CCDC175: variants seen among roughly 807,000 people sequenced by gnomAD.
The protein encoded by CCDC175 is coiled-coil domain containing 175.
A neutral mutation model predicts 114.6 loss-of-function variants in CCDC175; 100 were observed. The ratio of observed to expected loss-of-function variants is 0.87; its 90% confidence interval spans 0.74 to 1.03. CCDC175 has a LOEUF of 1.03. Among genes scored for constraint, CCDC175 ranks in the 50% least tolerant of loss-of-function variants. CCDC175 has a pLI of 0.00. For missense variants in CCDC175, 880 were observed against 917.8 expected (o/e 0.96, Z 0.53); for synonymous variants, 306 against 308.7 (o/e 0.99, Z 0.09).
chr14:59,528,723 A>G (rs184227166), intron 14 of CCDC175, among the ~76,000 whole-genome samples: 3 of 151,410 alleles, frequency 2.0e-5, no homozygotes, highest in Non-Finnish European at 3.0e-5. Flanking sequence ...ATAGTTTTTA[A>G]ATTTTCTTGC....
chr14:59,521,866 G>C (rs148869013), intron 16 of CCDC175, among the ~76,000 whole-genome samples, 190 bp from the exon 17 acceptor site: 1 of 152,192 alleles, frequency 6.6e-6, no homozygotes, highest in Non-Finnish European at 1.5e-5. Context: ...AAAGGATTCT[G>C]CTTCCTATGA....
chr14:59,519,691 GT>G (rs1219834181), intron 17 of CCDC175, among the ~76,000 whole-genome samples: 3 of 152,312 alleles, frequency 2.0e-5, no homozygotes, highest in African/African-American at 7.2e-5. Flanking sequence ...CATTCCACAA[GT>G]TTTTTTCCCT....
At chr14:59,571,659 C>A (rs553757333) in intron 3 of CCDC175, among the ~76,000 whole-genome samples, 1 of 152,122 alleles carries the variant, frequency 6.6e-6, no homozygotes, top group Admixed American at 6.6e-5. Context: ...ATACTGGAAC[C>A]CTTGTGCATT....
chr14:59,561,129 C>CT lies in CCDC175; in HGVS notation c.942_943insA (p.Glu315ArgfsTer10). On this transcript the variant is annotated frameshift_variant, in exon 7 of 20. Coordinates refer to ENST00000537690, the MANE Select transcript of CCDC175 (RefSeq NM_001164399.2). LOFTEE classifies it high-confidence loss of function. ...AAGCATTACACTTACAGTTTCGCCTCCAGAATTGCAAGGTCTTTCTTTAGC... is the reference window on the plus strand; with the variant it reads ...AAGCATTACACTTACAGTTTCGCCTCTCAGAATTGCAAGGTCTTTCTTTAGC... 1 of 1,521,872 alleles carries CT rather than the reference C, an allele frequency of 6.6e-7. No individual in the cohort carries two copies. The highest frequency in any genetic ancestry group is 1.2e-5 in the South Asian group (1 of 83,550). The allele number at this position is 1,521,872 out of a possible 1,614,324, so 94.3% of individuals were successfully genotyped here. A position where few individuals can be genotyped will look rare whatever the true frequency, so the allele number is the denominator to read the frequency against.
intron 7 of CCDC175, among the ~76,000 whole-genome samples, chr14:59,557,234 A>G (rs974588376): frequency 2.6e-5 from 4 of 152,164 alleles, no homozygotes; most frequent in Admixed American, 1.3e-4. Flanking sequence ...CATCAATGAT[A>G]GACTGGATTA....
intron 17 of CCDC175, among the ~76,000 whole-genome samples, chr14:59,518,552 A>C (rs1893241205): frequency 1.3e-5 from 2 of 152,392 alleles, no homozygotes; most frequent in South Asian, 2.1e-4. Flanking sequence ...ATACAGCCAA[A>C]AGACACATGA....
chr14:59,569,362 G>A (rs1956352), intron 3 of CCDC175, among the ~76,000 whole-genome samples: 48,605 of 152,038 alleles, frequency 0.32, 8,273 homozygotes, highest in African/African-American at 0.44. Flanking sequence ...TCTAGGGTGG[G>A]CCCAGAGATT....
At chr14:59,509,845 T>G (rs910270936) in intron 19 of CCDC175, among the ~76,000 whole-genome samples, 1 of 152,222 alleles carries the variant, frequency 6.6e-6, no homozygotes, top group African/African-American at 2.4e-5. Context: ...TTCTACATCC[T>G]ACCTTCAAAA....
intron 16 of CCDC175, among the ~76,000 whole-genome samples, chr14:59,524,369 C>A (rs1381029458): frequency 6.6e-6 from 1 of 152,068 alleles, no homozygotes; most frequent in Admixed American, 6.6e-5. Context: ...ACAAATTCCT[C>A]TGCTATAAAA....
chr14:59,575,038 A>G lies in CCDC175; in HGVS notation c.158-10T>C, dbSNP rs1180683975. 1 of 1,408,672 alleles carries G rather than the reference A, an allele frequency of 7.1e-7. No individual in the cohort carries two copies. Among genetic ancestry groups the G allele is most frequent in the East Asian group, 2.5e-5 (1 of 40,182 alleles). The allele number at this position is 1,408,672 out of a possible 1,614,324, so 87.3% of individuals were successfully genotyped here. On this transcript the variant is annotated splice_polypyrimidine_tract_variant and intron_variant, in intron 1 of 19. Coordinates refer to ENST00000537690, the MANE Select transcript of CCDC175 (RefSeq NM_001164399.2). The stretch of plus-strand genomic sequence containing the variant: ...CTTTGCAGTGATTGTTCTGAAAAAA[A>G]AATTAGAAAATAAAGATCTCTTATT...
rs1245816153 is a variant in CCDC175 at position 59,568,120 on chromosome 14, A to AACCC, written c.491+124_491+125insGGGT. 1.3e-5 allele frequency: 12 copies of AACCC among 933,942 alleles called. No homozygotes were observed. In the African/African-American group the frequency reaches 2.1e-4, roughly 16 times the overall value. 57.9% of individuals were successfully genotyped at this position (933,942 alleles called of 1,614,324 possible). ...CCCATCAGCCTGGGCCATCTCCTAC[A>AACCC]AGCCATCTTCACCTCTCAACTCGCC... On this transcript the variant is annotated intron_variant, in intron 4 of 19. Transcript: ENST00000537690.
intron 7 of CCDC175, 114 bp downstream of exon 7, chr14:59,561,005 T>C (rs1040999466): frequency 1.9e-6 from 1 of 539,678 alleles, no homozygotes; most frequent in Non-Finnish European, 3.2e-6. Flanking sequence ...AGAATATAAT[T>C]TTCATGTCAA....
At chr14:59,506,649 C>T (rs1450656923) in intron 19 of CCDC175, among the ~76,000 whole-genome samples, 2 of 151,498 alleles carry the variant, frequency 1.3e-5, no homozygotes, top group African/African-American at 4.9e-5. Flanking sequence ...CTGATCTAAA[C>T]TCCTCCTATT....
chr14:59,572,055 C>CAA (rs57092645), intron 3 of CCDC175, among the ~76,000 whole-genome samples: 2 of 149,748 alleles, frequency 1.3e-5, no homozygotes, highest in African/African-American at 4.9e-5. Flanking sequence ...ATTCCAAATT[C>CAA]AAAAAAAAAA....
At chr14:59,515,564 CAAAG>C (rs1168023429) in intron 17 of CCDC175, among the ~76,000 whole-genome samples, 3 of 152,048 alleles carry the variant, frequency 2.0e-5, no homozygotes, top group Non-Finnish European at 4.4e-5. Flanking sequence ...TCAAAAGAGA[CAAAG>C]AAGGCCATTA....
chr14:59,560,563 C>A (rs900977699), intron 7 of CCDC175, among the ~76,000 whole-genome samples: 1 of 152,098 alleles, frequency 6.6e-6, no homozygotes, highest in Non-Finnish European at 1.5e-5. Flanking sequence ...CATGTGCTCA[C>A]CAAGAAGAGA....
chr14:59,553,127 C>G (rs1310277625), intron 7 of CCDC175, among the ~76,000 whole-genome samples: 2 of 152,142 alleles, frequency 1.3e-5, no homozygotes, highest in African/African-American at 4.8e-5. Flanking sequence ...CACAAAGATA[C>G]TCCTCCAGAA....
chr14:59,528,605 T>A (rs1193983816), intron 14 of CCDC175, among the ~76,000 whole-genome samples: 1 of 152,122 alleles, frequency 6.6e-6, no homozygotes, highest in Non-Finnish European at 1.5e-5. Context: ...CCTATAAAGT[T>A]ATAGTTTTCG....
intron 15 of CCDC175, 44 bp from the exon 16 acceptor site, chr14:59,525,478 T>C: frequency 6.9e-7 from 1 of 1,448,712 alleles, no homozygotes; most frequent in Non-Finnish European, 9.2e-7. Context: ...GTTCAAACAG[T>C]AGGGCACGAG....
Sources: gnomAD v4.1 joint callset for allele counts (sites outside exome capture counted in the v4.1 genomes callset) on GRCh38, gnomAD v4.1.1 for gene constraint, MANE v1.5 for transcripts, NCBI Gene and HGNC (gene_info 2026-07-23, HGNC 2026-07-21) for gene names.